UBE2E1: variants seen among roughly 807,000 people sequenced by gnomAD.
UBE2E1 encodes ubiquitin-conjugating enzyme E2 E1.
Under a neutral mutation model 21.4 loss-of-function variants are expected in UBE2E1, and 6 were observed. The ratio of observed to expected loss-of-function variants is 0.28; its 90% CI spans 0.15 to 0.55. The LOEUF is 0.55. Among genes scored for constraint, UBE2E1 ranks in the 20% least tolerant of loss-of-function variants. The pLI is 0.93. For missense variants in UBE2E1, 142 were observed against 236.5 expected, an observed-to-expected ratio of 0.60 and a Z score of 2.62; for synonymous variants, 87 against 82.7, an observed-to-expected ratio of 1.05 and a Z score of -0.28.
rs72627033 is a variant in UBE2E1 at position 23,859,208 on chromosome 3, G to A, written c.204-28359G>A. Reference sequence around the variant, plus strand: ...GAGGCCAGATCCTTCTGCTCTGCCCGTGGAAGCTGGTTGAGAGGAAGTGAT... The same window carrying A: ...GAGGCCAGATCCTTCTGCTCTGCCCATGGAAGCTGGTTGAGAGGAAGTGAT... On this transcript the variant is annotated intron_variant, in intron 3 of 5. Coordinates refer to ENST00000306627, the MANE Select transcript of UBE2E1 (RefSeq NM_003341.5). Among the ~76,000 whole-genome samples the A allele has an allele frequency of 4.3e-3, 654 of 152,230 alleles. 16 individuals are homozygous for A. In the East Asian group the frequency reaches 0.049, roughly 12 times the overall value.
intron 3 of UBE2E1, among the ~76,000 whole-genome samples, chr3:23,858,922 C>G (rs1450027372): frequency 2.0e-5 from 3 of 152,198 alleles, no homozygotes; most frequent in Non-Finnish European, 2.9e-5. Flanking sequence ...CTCACTTGAG[C>G]TCGTCTTTAA....
chr3:23,889,899 AATATAT>A (rs568620691), intron 5 of UBE2E1: 1 of 181,324 alleles, frequency 5.5e-6, no homozygotes, highest in Non-Finnish European at 1.1e-5. Context: ...TGTCTCAAAA[AATATAT>A]ATATATACAC....
In UBE2E1 at chr3:23,891,317, C is replaced by T. The variant is rs574561582; in HGVS notation, c.*711C>T. On this transcript the variant is annotated 3_prime_UTR_variant, in exon 6 of 6. Transcript: ENST00000306627. Reference sequence around the variant, plus strand: ...AATATTAAAAACCACCTAATAAACACTGCTGTGTTCATTTACTTTTCTTTT... The same window carrying T: ...AATATTAAAAACCACCTAATAAACATTGCTGTGTTCATTTACTTTTCTTTT... 3 of 152,320 alleles carry T rather than the reference C, an allele frequency of 2.0e-5. No individual in the cohort carries two copies. The highest frequency in any genetic ancestry group is 1.9e-4 in the East Asian group (1 of 5,184). The allele number at this position is 152,320 out of a possible 1,614,324, so 9.4% of individuals were successfully genotyped here. A position where few individuals can be genotyped will look rare whatever the true frequency, so the allele number is the denominator to read the frequency against.
intron 3 of UBE2E1, among the ~76,000 whole-genome samples, chr3:23,821,773 G>A (rs1270120539): frequency 6.6e-6 from 1 of 152,214 alleles, no homozygotes; most frequent in African/African-American, 2.4e-5. Context: ...CGCGTGTGTG[G>A]TGGGTGGCAG....
chr3:23,814,581 C>T (rs1327205844), intron 3 of UBE2E1, among the ~76,000 whole-genome samples: 1 of 152,118 alleles, frequency 6.6e-6, no homozygotes, highest in African/African-American at 2.4e-5. Flanking sequence ...TCATTTAGCT[C>T]TATTCTTTTA....
chr3:23,856,490 G>A (rs1332394024), intron 3 of UBE2E1, among the ~76,000 whole-genome samples: 1 of 152,144 alleles, frequency 6.6e-6, no homozygotes, highest in African/African-American at 2.4e-5. Flanking sequence ...TTATTTTCCT[G>A]GTACATTGCC....
intron 3 of UBE2E1, among the ~76,000 whole-genome samples, chr3:23,869,412 T>C (rs1242890315): frequency 1.1e-5 from 1 of 88,850 alleles, no homozygotes; most frequent in African/African-American, 5.6e-5. Context: ...GATCTGTTGG[T>C]CTTTTCCTGT....
intron 3 of UBE2E1, among the ~76,000 whole-genome samples, chr3:23,875,150 G>C (rs1700888849): frequency 6.6e-6 from 1 of 152,156 alleles, no homozygotes; most frequent in Non-Finnish European, 1.5e-5. Flanking sequence ...TAAATTTCCA[G>C]ATGTGCTGGA....
rs554055116 is a variant in UBE2E1 at position 23,806,663 on chromosome 3, C to A, written c.-33-574C>A. Among the ~76,000 whole-genome samples, 1 of 151,632 alleles carries A rather than the reference C, an allele frequency of 6.6e-6. No homozygotes were observed. Among genetic ancestry groups the A allele is most frequent in the South Asian group, 2.1e-4 (1 of 4,810 alleles). Reference sequence around the variant, plus strand: ...GGGCGCGGCGCGGGGGGGCCTCGGGCCTCGTCGCCCCTGCCCCCCGCCGGC... The same window carrying A: ...GGGCGCGGCGCGGGGGGGCCTCGGGACTCGTCGCCCCTGCCCCCCGCCGGC... On this transcript the variant is annotated intron_variant, in intron 1 of 5. Transcript: ENST00000306627. The surrounding 1 kb of genome is among the most constrained non-coding windows in gnomAD (Gnocchi z 6.5).
Position 23,810,419 on chromosome 3 carries a change from G to A in UBE2E1, c.153-1041G>A, listed in dbSNP as rs1239821860. On this transcript the variant is annotated intron_variant, in intron 2 of 5. Coordinates refer to ENST00000306627, the MANE Select transcript of UBE2E1 (RefSeq NM_003341.5). This position sits in a 1 kb window ranked among gnomAD's most constrained non-coding sequence, Gnocchi z 5.8. Reference sequence around the variant, plus strand: ...CCTTTGTGAAGTCGAGGGTTGGTGCGGAGGGAGAAAACTGCAGGTCTCCAG... The same window carrying A: ...CCTTTGTGAAGTCGAGGGTTGGTGCAGAGGGAGAAAACTGCAGGTCTCCAG... 8.5e-6 allele frequency: 13 copies of A among 1,534,522 alleles called. No individual in the cohort carries two copies. Among genetic ancestry groups the A allele is most frequent in the Non-Finnish European group, 9.6e-6 (11 of 1,145,910 alleles).
At chr3:23,846,906 A>G (rs1700219484) in intron 3 of UBE2E1, among the ~76,000 whole-genome samples, 1 of 152,208 alleles carries the variant, frequency 6.6e-6, no homozygotes, top group South Asian at 2.1e-4. Context: ...ATCAAGATGA[A>G]TAAATAGCTG....
chr3:23,826,501 G>A (rs1422602075), intron 3 of UBE2E1, among the ~76,000 whole-genome samples: 1 of 152,204 alleles, frequency 6.6e-6, no homozygotes, highest in African/African-American at 2.4e-5. Flanking sequence ...AAATGACACA[G>A]CAGGGAAACT....
intron 3 of UBE2E1, among the ~76,000 whole-genome samples, chr3:23,874,428 G>A (rs764541851): frequency 1.3e-5 from 2 of 152,200 alleles, no homozygotes; most frequent in Non-Finnish European, 2.9e-5. Context: ...CAATAGAAGA[G>A]TCAGTTGTGC....
rs573307315 is a variant in UBE2E1, at chr3:23,810,538, G to A, written c.153-922G>A. The stretch of plus-strand genomic sequence containing the variant: ...GCCCGGGGAAAAGCAGGTCCGGGGA[G>A]GTGGGCCGAGAGTCCCGGCCAGCGT... On this transcript the variant is annotated intron_variant, in intron 2 of 5. Coordinates refer to ENST00000306627, the MANE Select transcript of UBE2E1 (RefSeq NM_003341.5). The surrounding 1 kb of genome is among the most constrained non-coding windows in gnomAD (Gnocchi z 5.8). 1.3e-6 allele frequency: 2 copies of A among 1,534,120 alleles called. No individual in the cohort carries two copies. Among genetic ancestry groups the A allele is most frequent in the Non-Finnish European group, 8.7e-7 (1 of 1,145,748 alleles).
At chr3:23,868,091 A>C (rs1700696232) in intron 3 of UBE2E1, among the ~76,000 whole-genome samples, 1 of 152,226 alleles carries the variant, frequency 6.6e-6, no homozygotes, top group Admixed American at 6.5e-5. Flanking sequence ...CAGGAAAATA[A>C]GTCAAAAGAT....
At chr3:23,890,414 C>T in intron 5 of UBE2E1, 95 bp from the exon 6 acceptor site, 1 of 1,161,634 alleles carries the variant, frequency 8.6e-7, no homozygotes, top group Non-Finnish European at 1.2e-6. Context: ...ATCACACATA[C>T]TTTGTCGTAC....
intron 3 of UBE2E1, among the ~76,000 whole-genome samples, chr3:23,838,292 T>A (rs1700011483): frequency 6.6e-6 from 1 of 151,994 alleles, no homozygotes; most frequent in Non-Finnish European, 1.5e-5. Context: ...GTCTTGAACT[T>A]CTGGGCTCAA....
chr3:23,869,418 C>A (rs1700730971), intron 3 of UBE2E1, among the ~76,000 whole-genome samples: 1 of 39,840 alleles, frequency 2.5e-5, no homozygotes, highest in South Asian at 1.1e-3. Context: ...TTGGTCTTTT[C>A]CTGTGTGTGT....
At chr3:23,846,669 C>T (rs556381154) in intron 3 of UBE2E1, among the ~76,000 whole-genome samples, 1 of 122,648 alleles carries the variant, frequency 8.2e-6, no homozygotes, top group Non-Finnish European at 1.6e-5. Context: ...GCACTGCAGC[C>T]TGGGCGACAG....
Sources: gnomAD v4.1 joint callset for allele counts (sites outside exome capture counted in the v4.1 genomes callset) on GRCh38, gnomAD v4.1.1 for gene constraint, Gnocchi (gnomAD v3.1) non-coding constraint, MANE v1.5 for transcripts, NCBI Gene and HGNC (gene_info 2026-07-23, HGNC 2026-07-21) for gene names.